The following NWD2 variants were observed in gnomAD, a reference collection of about 807,000 sequenced individuals.
NWD2 encodes the protein NACHT and WD repeat domain-containing protein 2.
NWD2 carries 37 observed loss-of-function variants against 132.7 expected under a neutral mutation model. That is an observed-to-expected ratio of 0.28 (90% CI 0.21 to 0.37). NWD2 has a LOEUF of 0.37. Ranked by LOEUF, NWD2 falls within the 10% of genes least tolerant of loss-of-function variation. The pLI, the probability that NWD2 is intolerant of heterozygous loss-of-function variation, is 1.00. For synonymous variants in NWD2, 705 were observed against 803.0 expected (o/e 0.88, Z 2.06); for missense variants, 1,592 against 2,122.4 (o/e 0.75, Z 4.91).
intron 3 of NWD2, 105 bp downstream of exon 3, chr4:37,356,587 CT>C (rs1719875585): frequency 1.4e-6 from 1 of 697,224 alleles, no homozygotes; most frequent in Non-Finnish European, 2.4e-6. Flanking sequence ...GGGAAAAAGA[CT>C]TTTTTATGTC....
intron 1 of NWD2, among the ~76,000 whole-genome samples, chr4:37,276,140 A>T (rs1249914275): frequency 6.6e-6 from 1 of 152,216 alleles, no homozygotes; most frequent in Non-Finnish European, 1.5e-5. Flanking sequence ...AGCAAAAAAA[A>T]CTACCATTGG....
In NWD2 at chr4:37,324,632, G is replaced by A. The variant is rs1031850247; in HGVS notation, c.152-1304G>A. Among the ~76,000 whole-genome samples the A allele has an allele frequency of 8.5e-5, 13 of 152,088 alleles. No homozygotes were observed. In the East Asian group the frequency reaches 1.3e-3, roughly 16 times the overall value. On this transcript the variant is annotated intron_variant, in intron 1 of 6. Transcript: ENST00000309447. ...GTACAGCTCCTCCGATGGGTGTCCC[G>A]CTTTTTCTCTTTGGACTTAGAACTA... is the stretch of plus-strand genomic sequence containing the variant.
intron 1 of NWD2, among the ~76,000 whole-genome samples, chr4:37,250,990 G>A (rs549217401): frequency 3.3e-5 from 5 of 152,336 alleles, no homozygotes; most frequent in Admixed American, 6.5e-5. Context: ...TAAAGGTACC[G>A]TTGGCTGGAT....
At chr4:37,336,870 C>T (rs980348484) in intron 2 of NWD2, among the ~76,000 whole-genome samples, 7 of 140,986 alleles carry the variant, frequency 5.0e-5, no homozygotes, top group Non-Finnish European at 7.6e-5. Context: ...AACTGGAAGG[C>T]GGAGGTTGCA....
At chr4:37,265,629 C>T (rs1000115366) in intron 1 of NWD2, among the ~76,000 whole-genome samples, 3 of 152,040 alleles carry the variant, frequency 2.0e-5, no homozygotes, top group African/African-American at 7.2e-5. Context: ...CATGACATCC[C>T]TCCCATCTCT....
chr4:37,255,280 G>T (rs982244025), intron 1 of NWD2, among the ~76,000 whole-genome samples: 1 of 152,196 alleles, frequency 6.6e-6, no homozygotes, highest in African/African-American at 2.4e-5. Flanking sequence ...TGATATCCCG[G>T]TGTGGCATGA....
intron 3 of NWD2, among the ~76,000 whole-genome samples, chr4:37,375,339 C>A (rs1720326536): frequency 6.6e-6 from 1 of 152,144 alleles, no homozygotes; most frequent in African/African-American, 2.4e-5. Flanking sequence ...AAAATTATCA[C>A]CATTAATATT....
At chr4:37,348,680 A>ATATATG (rs1719698427) in intron 2 of NWD2, among the ~76,000 whole-genome samples, 1 of 127,522 alleles carries the variant, frequency 7.8e-6, no homozygotes, top group Admixed American at 8.1e-5. Context: ...ATATATACAC[A>ATATATG]CACACACACA....
intron 3 of NWD2, among the ~76,000 whole-genome samples, chr4:37,403,952 G>A (rs1011839604): frequency 6.6e-6 from 1 of 152,088 alleles, no homozygotes; most frequent in Admixed American, 6.6e-5. Flanking sequence ...AAAACAATTA[G>A]CATCTTGTAG....
chr4:37,399,462 A>G, intron 3 of NWD2, among the ~76,000 whole-genome samples: 1 of 152,244 alleles, frequency 6.6e-6, no homozygotes, highest in East Asian at 1.9e-4. Context: ...TACATATCTT[A>G]AAGTTACTAC....
chr4:37,342,792 C>T (rs1305338800), intron 2 of NWD2, among the ~76,000 whole-genome samples: 1 of 152,130 alleles, frequency 6.6e-6, no homozygotes, highest in African/African-American at 2.4e-5. Context: ...CAGGTCTAGG[C>T]AGTTAGTTGT....
intron 1 of NWD2, among the ~76,000 whole-genome samples, chr4:37,257,918 C>G (rs1480598070): frequency 6.6e-6 from 1 of 152,178 alleles, no homozygotes; most frequent in East Asian, 1.9e-4. Context: ...AATAAAATGA[C>G]ATTCAAAGAA....
At chr4:37,305,278 G>GGGAA (rs1718688113) in intron 1 of NWD2, among the ~76,000 whole-genome samples, 1 of 152,210 alleles carries the variant, frequency 6.6e-6, no homozygotes. Context: ...GGCCTGTGAT[G>GGGAA]GGAAGGGTTG....
intron 3 of NWD2, among the ~76,000 whole-genome samples, chr4:37,412,964 T>C (rs1271476428): frequency 1.3e-5 from 2 of 151,850 alleles, no homozygotes; most frequent in Non-Finnish European, 2.9e-5. Context: ...TCCTTACACC[T>C]TATACAAAAA....
At position 37,434,007 on chromosome 4, in the gene NWD2, G is replaced by T. The variant is rs1373670175; in HGVS notation, c.693G>T (p.Arg231Ser). The T allele has an allele frequency of 1.3e-6, 2 of 1,545,882 alleles. No individual in the cohort carries two copies. The highest frequency in any genetic ancestry group is 4.0e-5 in the Admixed American group (2 of 50,080). The change falls in exon 5 of 7, where the codon AGG (arginine) becomes AGT (serine). Residue 231 changes from arginine to serine, a missense_variant. Arg to Ser is a moderately radical substitution (Grantham distance 110). Transcript: ENST00000309447. Reference sequence around the variant, plus strand: ...AAATGAAACACAGCCAGGCTAAGAGGTACCTGTTCTCAGGTAATTTTCCCA... The same window carrying T: ...AAATGAAACACAGCCAGGCTAAGAGTTACCTGTTCTCAGGTAATTTTCCCA... ...KGKMKHSQAK[R>S]YLFSAIEDEF...
chr4:37,294,341 G>A (rs1313661416), intron 1 of NWD2, among the ~76,000 whole-genome samples: 1 of 152,172 alleles, frequency 6.6e-6, no homozygotes, highest in Non-Finnish European at 1.5e-5. Context: ...AAGGCCACAA[G>A]TTAGTGTGGA....
chr4:37,368,733 A>G (rs796626927), intron 3 of NWD2, among the ~76,000 whole-genome samples: 16 of 152,262 alleles, frequency 1.1e-4, no homozygotes, highest in African/African-American at 3.9e-4. Context: ...CAGTTCCTGG[A>G]TGAAGGTAGA....
chr4:37,244,899 G>C lies in NWD2; in HGVS notation c.-169G>C. 1.3e-6 allele frequency: 1 copy of C among 776,738 alleles called. No homozygotes were observed. The highest frequency in any genetic ancestry group is 2.0e-6 in the Non-Finnish European group (1 of 512,562). 48.1% of individuals were successfully genotyped at this position (776,738 alleles called of 1,614,324 possible). ...TCCGTATGGCTTCTCCTCGCCGGCG[G>C]GTGCTGTGCGCCACGGAGCTCGCCA... On this transcript the variant is annotated 5_prime_UTR_variant, in exon 1 of 7. Transcript: ENST00000309447. The surrounding 1 kb of genome is among the most constrained non-coding windows in gnomAD (Gnocchi z 5.5).
Position 37,445,740 on chromosome 4 carries a change from A to C in NWD2, c.3752A>C (p.Glu1251Ala), listed in dbSNP as rs1712618149. ...GGAGATTGTATCATCGCCACCATGG[A>C]AAATACCTCAGCTGTGTTTTTTTGG... Reference protein sequence around the residue: ...KNGDCIIATMENTSAVFFWRR... With the variant: ...KNGDCIIATMANTSAVFFWRR... The change falls in exon 7 of 7, where the codon GAA becomes GCA. Residue 1251 changes from glutamate (E) to alanine (A), a missense_variant. Glu to Ala is a moderately radical substitution (Grantham distance 107, BLOSUM62 -1). Transcript: ENST00000309447. The surrounding 1 kb of genome is among the most constrained non-coding windows in gnomAD (Gnocchi z 4.7). 6.4e-7 allele frequency: 1 copy of C among 1,551,732 alleles called. No homozygotes were observed. The highest frequency in any genetic ancestry group is 1.4e-5 in the African/African-American group (1 of 73,044).
Sources: gnomAD v4.1 joint callset for allele counts (sites outside exome capture counted in the v4.1 genomes callset) on GRCh38, gnomAD v4.1.1 for gene constraint, Gnocchi (gnomAD v3.1) non-coding constraint, MANE v1.5 for transcripts, NCBI Gene and HGNC (gene_info 2026-07-23, HGNC 2026-07-21) for gene names.